Variants in IPO5 observed in about 807,000 individuals in gnomAD.
IPO5 encodes the protein importin 5.
A neutral mutation model predicts 143.3 loss-of-function variants in IPO5; 18 were observed. That is an observed-to-expected ratio of 0.13 (90% CI 0.09 to 0.19). The LOEUF is 0.19. Among genes scored for constraint, IPO5 ranks in the 10% least tolerant of loss-of-function variants. The pLI is 1.00. For missense variants in IPO5, 1,013 were observed against 1,336.9 expected (o/e 0.76, Z 3.78); for synonymous variants, 477 against 465.7 (o/e 1.02, Z -0.31).
At chr13:97,966,670 T>A (rs1383649009) in intron 2 of IPO5, among the ~76,000 whole-genome samples, 1 of 152,210 alleles carries the variant, frequency 6.6e-6, no homozygotes, top group Non-Finnish European at 1.5e-5. Context: ...GGAATGGTGT[T>A]AATTGCTTTT....
At chr13:97,980,442 A>G (rs770579448) in intron 4 of IPO5, among the ~76,000 whole-genome samples, 73 of 152,318 alleles carry the variant, frequency 4.8e-4, no homozygotes, top group Non-Finnish European at 2.9e-4. Flanking sequence ...TGTTAAGTCT[A>G]CTAGAGTTAG....
At chr13:97,978,216 TG>T (rs1274471013) in intron 4 of IPO5, among the ~76,000 whole-genome samples, 1 of 152,216 alleles carries the variant, frequency 6.6e-6, no homozygotes, top group Non-Finnish European at 1.5e-5. Flanking sequence ...GAATCTTCGC[TG>T]AAAATTTAAC....
chr13:97,962,653 A>C (rs999811499), intron 2 of IPO5, among the ~76,000 whole-genome samples: 5 of 152,056 alleles, frequency 3.3e-5, no homozygotes, highest in African/African-American at 1.2e-4. Context: ...CCCTGTCTCT[A>C]TTAAAAATAC....
At chr13:98,019,042 G>A (rs1236189284) in intron 26 of IPO5, among the ~76,000 whole-genome samples, 2 of 151,366 alleles carry the variant, frequency 1.3e-5, no homozygotes, top group African/African-American at 2.4e-5. Flanking sequence ...TGCAACCTCC[G>A]CCTCCCGGGT....
At chr13:97,998,709 G>T (rs971151522) in intron 12 of IPO5, among the ~76,000 whole-genome samples, 1 of 152,204 alleles carries the variant, frequency 6.6e-6, no homozygotes, top group Non-Finnish European at 1.5e-5. Context: ...AGTCCCAGAG[G>T]TGTATTATAT....
chr13:98,014,295 T>C (rs6491395), intron 22 of IPO5, 81 bp downstream of exon 22: 537,544 of 1,038,698 alleles, frequency 0.52, 144,321 homozygotes, highest in African/African-American at 0.74. Flanking sequence ...AAAAAAAATT[T>C]GAGACAGGGT....
At chr13:98,002,618 A>C (rs1180371420) in intron 14 of IPO5, 27 bp downstream of exon 14, 41 of 1,611,140 alleles carry the variant, frequency 2.5e-5, no homozygotes, top group Non-Finnish European at 3.2e-5. Flanking sequence ...ATTTGATTCA[A>C]AATGATTAGT....
chr13:97,961,854 C>T (rs1884912168), intron 2 of IPO5, among the ~76,000 whole-genome samples: 3 of 152,144 alleles, frequency 2.0e-5, no homozygotes, highest in Middle Eastern at 3.4e-3. Context: ...TGTGGCCAGG[C>T]GCAGTGGCTC....
Position 97,982,572 on chromosome 13 carries a change from G to C in IPO5, c.160G>C (p.Ala54Pro). ...CTTACAAGCCATCAGAAATACAACA[G>C]CTGCTGAAGAGGTACTACCTTAATA... Reference protein sequence around the residue: ...FLLQAIRNTTAAEEARQMAAV... With the variant: ...FLLQAIRNTTPAEEARQMAAV... Residue 54 changes from alanine (A) to proline (P), a missense_variant, in exon 5 of 29, where the codon GCT (alanine) becomes CCT (proline). By Grantham distance (27) the Ala-to-Pro change is conservative (BLOSUM62 -1). Transcript: ENST00000651721. 6.3e-7 allele frequency: 1 copy of C among 1,599,214 alleles called. No homozygotes were observed. The highest frequency in any genetic ancestry group is 8.6e-7 in the Non-Finnish European group (1 of 1,166,664).
At chr13:98,011,184 A>T (rs942827473) in intron 20 of IPO5, among the ~76,000 whole-genome samples, 2 of 152,142 alleles carry the variant, frequency 1.3e-5, no homozygotes, top group South Asian at 4.1e-4. Flanking sequence ...TTTTCTCTCA[A>T]CTGGAAAGCA....
chr13:97,984,890 A>T (rs1887193654), intron 5 of IPO5, among the ~76,000 whole-genome samples: 1 of 152,230 alleles, frequency 6.6e-6, no homozygotes, highest in Non-Finnish European at 1.5e-5. Context: ...TGAAAATGAA[A>T]ATCCAAGAAT....
At chr13:97,968,540 TG>T (rs1885543993) in intron 2 of IPO5, among the ~76,000 whole-genome samples, 1 of 152,376 alleles carries the variant, frequency 6.6e-6, no homozygotes, top group African/African-American at 2.4e-5. Flanking sequence ...TTTTGCTTTA[TG>T]TATTTTGGTG....
chr13:97,963,560 G>T (rs1014747550), intron 2 of IPO5, among the ~76,000 whole-genome samples: 1 of 151,704 alleles, frequency 6.6e-6, no homozygotes, highest in African/African-American at 2.4e-5. Context: ...AGTACAGATG[G>T]GGTTTCACCA....
intron 5 of IPO5, among the ~76,000 whole-genome samples, chr13:97,984,737 A>G (rs1887184390): frequency 6.6e-6 from 1 of 152,314 alleles, no homozygotes; most frequent in African/African-American, 2.4e-5. Flanking sequence ...GGGGAAATCG[A>G]GAGCAGGAAA....
At chr13:98,021,312 T>C in intron 28 of IPO5, 179 bp downstream of exon 28, 1 of 460,012 alleles carries the variant, frequency 2.2e-6, no homozygotes, top group East Asian at 3.6e-5. Context: ...TATGTACTTA[T>C]TATTTATTAG....
At chr13:97,973,737 G>T (rs1886025448) in intron 3 of IPO5, among the ~76,000 whole-genome samples, 1 of 152,194 alleles carries the variant, frequency 6.6e-6, no homozygotes, top group African/African-American at 2.4e-5. Context: ...TTTTTAGCCT[G>T]CCTGAAATAA....
chr13:98,018,397 A>C, intron 25 of IPO5, 88 bp from the exon 26 acceptor site: 1 of 962,622 alleles, frequency 1.0e-6, no homozygotes, highest in Non-Finnish European at 1.6e-6. Context: ...GAGGAATATC[A>C]ATGTAAGCAG....
chr13:97,983,385 G>C (rs1042380629), intron 5 of IPO5, among the ~76,000 whole-genome samples: 2 of 152,002 alleles, frequency 1.3e-5, no homozygotes, highest in African/African-American at 4.8e-5. Flanking sequence ...TATTTTATTA[G>C]AATCATGGTT....
intron 2 of IPO5, among the ~76,000 whole-genome samples, chr13:97,960,733 A>G (rs1018032672): frequency 4.6e-5 from 7 of 151,708 alleles, no homozygotes; most frequent in Admixed American, 3.9e-4. Flanking sequence ...TAACTTTTGT[A>G]CTTTCAGTAG....
Sources: gnomAD v4.1 joint callset for allele counts (sites outside exome capture counted in the v4.1 genomes callset) on GRCh38, gnomAD v4.1.1 for gene constraint, MANE v1.5 for transcripts, NCBI Gene and HGNC (gene_info 2026-07-23, HGNC 2026-07-21) for gene names.